Variants in SLC2A13 observed in about 807,000 individuals in gnomAD.
SLC2A13 encodes the protein solute carrier family 2 member 13, also known as proton myo-inositol cotransporter.
Under a neutral mutation model 64.4 loss-of-function variants are expected in SLC2A13, and 32 were observed. The observed-to-expected ratio is 0.50, with a 90% confidence interval of 0.37 to 0.67. The LOEUF (loss-of-function observed/expected upper bound fraction) is 0.67, where lower values mean the gene tolerates loss of function less well. Among genes scored for constraint, SLC2A13 ranks in the 30% least tolerant of loss-of-function variants. The pLI is 0.00. For synonymous variants in SLC2A13, 338 were observed against 327.1 expected (o/e 1.03, Z -0.36); for missense variants, 743 against 829.2 (o/e 0.90, Z 1.28).
intron 7 of SLC2A13, among the ~76,000 whole-genome samples, chr12:39,824,922 T>G (rs768149339): frequency 6.6e-6 from 1 of 151,988 alleles, no homozygotes; most frequent in Non-Finnish European, 1.5e-5. Flanking sequence ...AGAAAAGACA[T>G]AGAGACAGGA....
chr12:40,053,281 C>CA (rs35810974), intron 1 of SLC2A13, among the ~76,000 whole-genome samples: 10,806 of 68,244 alleles, frequency 0.16, 787 homozygotes, highest in Non-Finnish European at 0.21. Context: ...GACTCCATCT[C>CA]AAAAAAAAAA....
At chr12:39,918,058 C>A (rs1945549564) in intron 4 of SLC2A13, among the ~76,000 whole-genome samples, 1 of 152,084 alleles carries the variant, frequency 6.6e-6, no homozygotes, top group Non-Finnish European at 1.5e-5. Flanking sequence ...TCACTGAGTA[C>A]CTACTATGTG....
intron 4 of SLC2A13, among the ~76,000 whole-genome samples, chr12:39,927,380 C>T (rs997370243): frequency 3.3e-5 from 5 of 152,042 alleles, no homozygotes; most frequent in Non-Finnish European, 7.4e-5. Context: ...TATGAAGTTT[C>T]CTGGAAAGAA....
intron 9 of SLC2A13, among the ~76,000 whole-genome samples, chr12:39,763,978 AG>A (rs757364340): frequency 1.6e-4 from 25 of 152,128 alleles, no homozygotes; most frequent in Non-Finnish European, 3.7e-4. Context: ...ATACAGTGGA[AG>A]GTATGGCCAC....
chr12:40,075,827 ATTAC>A (rs955152626), intron 1 of SLC2A13, among the ~76,000 whole-genome samples: 3 of 151,794 alleles, frequency 2.0e-5, no homozygotes, highest in African/African-American at 7.3e-5. Flanking sequence ...TATTGTTTGA[ATTAC>A]TTATATTTAT....
chr12:39,972,577 T>C (rs770195307), intron 3 of SLC2A13, among the ~76,000 whole-genome samples: 4 of 152,152 alleles, frequency 2.6e-5, no homozygotes, highest in East Asian at 1.9e-4. Flanking sequence ...ATGGAGAACA[T>C]TGCTCCTATA....
At chr12:39,978,603 C>T (rs1000550266) in intron 3 of SLC2A13, among the ~76,000 whole-genome samples, 16 of 152,294 alleles carry the variant, frequency 1.1e-4, no homozygotes, top group African/African-American at 3.1e-4. Flanking sequence ...CCGAATATGG[C>T]GCTTTTCAGA....
At chr12:39,869,353 A>G (rs192488129) in intron 5 of SLC2A13, among the ~76,000 whole-genome samples, 48 of 152,314 alleles carry the variant, frequency 3.2e-4, no homozygotes, top group African/African-American at 1.1e-3. Context: ...AACCACATGA[A>G]TGGCACCATT....
intron 4 of SLC2A13, among the ~76,000 whole-genome samples, chr12:39,904,808 A>G (rs1945223712): frequency 6.6e-6 from 1 of 152,084 alleles, no homozygotes; most frequent in South Asian, 2.1e-4. Flanking sequence ...TTTAGTGCAT[A>G]TTTGTTGAAT....
intron 2 of SLC2A13, among the ~76,000 whole-genome samples, chr12:40,045,686 C>T (rs113325273): frequency 7.2e-5 from 11 of 152,100 alleles, no homozygotes; most frequent in East Asian, 5.8e-4. Context: ...TATATATCAA[C>T]GGGAGTTAGT....
At chr12:40,036,324 A>C (rs1236825960) in intron 2 of SLC2A13, among the ~76,000 whole-genome samples, 1 of 152,238 alleles carries the variant, frequency 6.6e-6, no homozygotes, top group Non-Finnish European at 1.5e-5. Flanking sequence ...ATTTATTTTT[A>C]GGTAAAATTT....
chr12:39,800,271 A>C (rs1941740640), intron 7 of SLC2A13, among the ~76,000 whole-genome samples: 1 of 152,226 alleles, frequency 6.6e-6, no homozygotes, highest in South Asian at 2.1e-4. Flanking sequence ...GAATAATATA[A>C]ATAGGAATGC....
intron 1 of SLC2A13, among the ~76,000 whole-genome samples, chr12:40,069,958 T>C (rs1205460175): frequency 6.6e-6 from 1 of 152,184 alleles, no homozygotes; most frequent in Non-Finnish European, 1.5e-5. Context: ...CCATGGTTCC[T>C]TTCCTTAAGA....
At chr12:40,045,271 G>A (rs1450758815) in intron 2 of SLC2A13, among the ~76,000 whole-genome samples, 1 of 151,940 alleles carries the variant, frequency 6.6e-6, no homozygotes, top group African/African-American at 2.4e-5. Flanking sequence ...CATCTAATGT[G>A]AAGATATATA....
intron 3 of SLC2A13, among the ~76,000 whole-genome samples, chr12:39,954,652 G>C (rs569395036): frequency 6.6e-6 from 1 of 152,102 alleles, no homozygotes; most frequent in Non-Finnish European, 1.5e-5. Context: ...ATAAAAGCAA[G>C]ACTCAACTGC....
Position 39,755,809 on chromosome 12 carries a change from G to T in SLC2A13, c.*4217C>A, listed in dbSNP as rs1390903306. On this transcript the variant is annotated 3_prime_UTR_variant, in exon 10 of 10. Transcript: ENST00000280871. The stretch of plus-strand genomic sequence containing the variant: ...AGACTATATATTTTGTACATATAAA[G>T]ATTTACATAAATTATATTGTTTTAG... The T allele has an allele frequency of 6.6e-6, 1 of 151,906 alleles. No homozygotes were observed. The highest frequency in any genetic ancestry group is 1.5e-5 in the Non-Finnish European group (1 of 67,824). The allele number at this position is 151,906 out of a possible 1,614,324, so 9.4% of individuals were successfully genotyped here.
At chr12:39,781,744 G>A (rs184937391) in intron 7 of SLC2A13, among the ~76,000 whole-genome samples, 5 of 152,320 alleles carry the variant, frequency 3.3e-5, no homozygotes, top group Non-Finnish European at 1.5e-5. Context: ...CAACATAAAA[G>A]AGATATTAGT....
At chr12:39,981,088 G>A (rs1433629372) in intron 3 of SLC2A13, among the ~76,000 whole-genome samples, 8 of 151,710 alleles carry the variant, frequency 5.3e-5, no homozygotes, top group African/African-American at 1.2e-4. Context: ...GGTACATAAC[G>A]AAATGAAGGC....
intron 1 of SLC2A13, among the ~76,000 whole-genome samples, chr12:40,079,672 C>T (rs557835153): frequency 5.9e-5 from 9 of 152,182 alleles, no homozygotes; most frequent in African/African-American, 7.2e-5. Context: ...TTTCCTGCCT[C>T]GATGATCTAA....
Sources: allele counts gnomAD v4.1 joint callset (sites outside exome capture counted in the v4.1 genomes callset), GRCh38; gene constraint gnomAD v4.1.1; transcripts MANE v1.5; gene names NCBI Gene and HGNC (gene_info 2026-07-23, HGNC 2026-07-21).